Variants in DLGAP1 observed in about 807,000 individuals in gnomAD.
The protein encoded by DLGAP1 is DLG associated protein 1.
DLGAP1 carries 11 observed loss-of-function variants against 90.8 expected under a neutral mutation model. The ratio of observed to expected loss-of-function variants is 0.12; its 90% confidence interval spans 0.08 to 0.20. The LOEUF (loss-of-function observed/expected upper bound fraction) is 0.20. DLGAP1 is among the 10% of genes least tolerant of loss of function. The probability of loss-of-function intolerance (pLI) is 1.00; values close to 1 mark genes in which losing one functional copy is unlikely to be tolerated. For synonymous variants in DLGAP1, 558 were observed against 540.7 expected, an observed-to-expected ratio of 1.03 and a Z score of -0.44; for missense variants, 1,050 against 1,333.8, an observed-to-expected ratio of 0.79 and a Z score of 3.31.
At chr18:4,142,605 A>G (rs2076513332) in intron 2 of DLGAP1, among the ~76,000 whole-genome samples, 1 of 152,254 alleles carries the variant, frequency 6.6e-6, no homozygotes, top group African/African-American at 2.4e-5. Flanking sequence ...TATTTCTGAC[A>G]TAAAAAGTAT....
rs562592585 is a variant in DLGAP1 at position 3,523,577 on chromosome 18, G to A, written c.2479+10617C>T. Among the ~76,000 whole-genome samples, 161 of 152,044 alleles carry A rather than the reference G, an allele frequency of 1.1e-3. 1 individual carries two copies. The highest frequency in any genetic ancestry group is 2.0e-3 in the Admixed American group (31 of 15,274). ...ATGGGCAAAGGTCCGACCAGGTGCG[G>A]TGGCTCACGCCTGTAATCCCAGCAC... On this transcript the variant is annotated intron_variant, in intron 10 of 12. Coordinates refer to ENST00000315677, the MANE Select transcript of DLGAP1 (RefSeq NM_004746.4).
At chr18:4,125,729 G>A (rs893949381) in intron 2 of DLGAP1, among the ~76,000 whole-genome samples, 14 of 152,156 alleles carry the variant, frequency 9.2e-5, no homozygotes, top group East Asian at 1.9e-4. Flanking sequence ...GGAAAGTAAC[G>A]GACGTTGAAG....
intron 2 of DLGAP1, among the ~76,000 whole-genome samples, chr18:4,128,739 C>T (rs1598447436): frequency 6.6e-6 from 1 of 152,238 alleles, no homozygotes; most frequent in South Asian, 2.1e-4. Context: ...AAGGCTGGAC[C>T]ACATTTACCA....
At chr18:3,635,420 T>C (rs984420973) in intron 7 of DLGAP1, among the ~76,000 whole-genome samples, 1 of 151,422 alleles carries the variant, frequency 6.6e-6, no homozygotes, top group Non-Finnish European at 1.5e-5. Flanking sequence ...ATTACAGGCG[T>C]GAGCCACCGC....
At chr18:3,972,341 G>A (rs534539618) in intron 3 of DLGAP1, among the ~76,000 whole-genome samples, 73 of 151,936 alleles carry the variant, frequency 4.8e-4, no homozygotes, top group African/African-American at 1.6e-3. Flanking sequence ...GCAAAATTCC[G>A]TCTCTATTTA....
intron 7 of DLGAP1, chr18:3,607,896 G>A (rs2057398575): frequency 6.6e-6 from 1 of 152,190 alleles, no homozygotes; most frequent in South Asian, 2.1e-4. Flanking sequence ...GAGGTTGGAT[G>A]GGAATGTTCT....
At chr18:4,400,212 G>A (rs744449) in intron 1 of DLGAP1, among the ~76,000 whole-genome samples, 69,310 of 151,996 alleles carry the variant, frequency 0.46, 17,067 homozygotes, top group East Asian at 0.68. Context: ...CAAGCATGGC[G>A]TTGGTGTTCC....
intron 2 of DLGAP1, among the ~76,000 whole-genome samples, chr18:4,134,955 G>A (rs1019865178): frequency 5.3e-5 from 8 of 151,740 alleles, no homozygotes; most frequent in East Asian, 1.9e-4. Context: ...CACCAAAACC[G>A]CCACCAAGAA....
intron 7 of DLGAP1, among the ~76,000 whole-genome samples, chr18:3,624,567 G>T (rs2058223333): frequency 6.6e-6 from 1 of 152,094 alleles, no homozygotes; most frequent in Non-Finnish European, 1.5e-5. Flanking sequence ...GAGTAGTTTT[G>T]TAGCAAACTT....
intron 1 of DLGAP1, among the ~76,000 whole-genome samples, chr18:4,340,406 G>A (rs542110960): frequency 3.9e-5 from 6 of 152,178 alleles, no homozygotes; most frequent in South Asian, 2.1e-4. Context: ...TTTATTTCTG[G>A]AATTTTCCAT....
At chr18:3,779,241 T>C (rs527261254) in intron 5 of DLGAP1, among the ~76,000 whole-genome samples, 1 of 152,032 alleles carries the variant, frequency 6.6e-6, no homozygotes, top group African/African-American at 2.4e-5. Flanking sequence ...TTTGCTGTTG[T>C]TGTTGTTGTT....
intron 2 of DLGAP1, among the ~76,000 whole-genome samples, chr18:4,015,664 A>AG (rs2074510503): frequency 1.3e-5 from 2 of 152,240 alleles, no homozygotes; most frequent in African/African-American, 2.4e-5. Flanking sequence ...TGTCCTTGTC[A>AG]GACCTAAGTG....
intron 7 of DLGAP1, among the ~76,000 whole-genome samples, chr18:3,585,914 G>T (rs1371750620): frequency 2.6e-5 from 4 of 152,204 alleles, no homozygotes; most frequent in African/African-American, 9.6e-5. Context: ...GGTGGGAGGG[G>T]CTAGTTCACA....
chr18:3,639,505 T>C (rs1483076083), intron 7 of DLGAP1, among the ~76,000 whole-genome samples: 1 of 152,152 alleles, frequency 6.6e-6, no homozygotes, highest in Non-Finnish European at 1.5e-5. Flanking sequence ...TTTGTGGAGA[T>C]AGCACAGGGC....
intron 7 of DLGAP1, among the ~76,000 whole-genome samples, chr18:3,600,893 G>GATAGATAGATAGATAT (rs2056938395): frequency 2.0e-5 from 1 of 51,172 alleles, no homozygotes; most frequent in Non-Finnish European, 3.9e-5. Flanking sequence ...TAGATATATA[G>GATAGATAGATAGATAT]ATATATATAG....
chr18:3,827,556 T>C (rs1307132678), intron 4 of DLGAP1, among the ~76,000 whole-genome samples: 1 of 152,246 alleles, frequency 6.6e-6, no homozygotes, highest in African/African-American at 2.4e-5. Flanking sequence ...CCCAGCAAGA[T>C]GCAAACTTCT....
intron 1 of DLGAP1, among the ~76,000 whole-genome samples, chr18:4,174,492 G>A (rs985751566): frequency 2.6e-5 from 4 of 151,038 alleles, no homozygotes; most frequent in East Asian, 3.9e-4. Flanking sequence ...CCACCACCAC[G>A]CCCGGCTAAT....
chr18:4,195,268 C>T (rs2077475286), intron 1 of DLGAP1, among the ~76,000 whole-genome samples: 1 of 152,042 alleles, frequency 6.6e-6, no homozygotes, highest in South Asian at 2.1e-4. Context: ...ATATATGAGA[C>T]TTTGAACTTT....
intron 9 of DLGAP1, among the ~76,000 whole-genome samples, chr18:3,560,329 G>T (rs1408727081): frequency 6.6e-6 from 1 of 151,002 alleles, no homozygotes; most frequent in Non-Finnish European, 1.5e-5. Context: ...TGAGGCAGGA[G>T]AATCACTTGA....
Sources: gnomAD v4.1 joint callset for allele counts (sites outside exome capture counted in the v4.1 genomes callset) on GRCh38, gnomAD v4.1.1 for gene constraint, MANE v1.5 for transcripts, NCBI Gene and HGNC (gene_info 2026-07-23, HGNC 2026-07-21) for gene names.